CDH13: variants seen among roughly 807,000 people sequenced by gnomAD.
The protein encoded by CDH13 is cadherin-13.
In CDH13, 24 loss-of-function variants were observed where a neutral mutation model predicts 63.8. That is an observed-to-expected ratio of 0.38 (90% confidence interval 0.27 to 0.53). The LOEUF is 0.53. CDH13 is among the 20% of genes least tolerant of loss of function. The probability of loss-of-function intolerance (pLI) is 0.85; values close to 1 mark genes in which losing one functional copy is unlikely to be tolerated. For missense variants in CDH13, 1,049 were observed against 903.1 expected (o/e 1.16, Z -2.07); for synonymous variants, 503 against 355.3 (o/e 1.42, Z -4.67).
chr16:83,154,971 A>C (rs535393294), intron 4 of CDH13, among the ~76,000 whole-genome samples: 2 of 152,336 alleles, frequency 1.3e-5, no homozygotes, highest in African/African-American at 4.8e-5. Flanking sequence ...TAGGGAAAAA[A>C]TCCCCTCTGA....
intron 1 of CDH13, among the ~76,000 whole-genome samples, chr16:82,659,479 C>G (rs967314005): frequency 6.6e-6 from 1 of 152,122 alleles, no homozygotes; most frequent in Non-Finnish European, 1.5e-5. Context: ...GCAGTCCATT[C>G]TCAAATGGAA....
At chr16:83,261,178 G>T (rs558321979) in intron 5 of CDH13, among the ~76,000 whole-genome samples, 1 of 152,294 alleles carries the variant, frequency 6.6e-6, no homozygotes, top group South Asian at 2.1e-4. Flanking sequence ...TTCCATGCAA[G>T]GGGGCGTGCA....
At chr16:83,219,575 G>T (rs1041875862) in intron 5 of CDH13, among the ~76,000 whole-genome samples, 3 of 152,144 alleles carry the variant, frequency 2.0e-5, no homozygotes, top group African/African-American at 7.2e-5. Context: ...TTCCTACATG[G>T]GTGACAATAA....
At chr16:82,758,732 C>T (rs2034719329) in intron 1 of CDH13, among the ~76,000 whole-genome samples, 1 of 152,158 alleles carries the variant, frequency 6.6e-6, no homozygotes, top group Non-Finnish European at 1.5e-5. Flanking sequence ...GTGTAACAGG[C>T]ATTAGGCTGC....
At chr16:83,023,000 T>C (rs932736049) in intron 2 of CDH13, 4 of 152,242 alleles carry the variant, frequency 2.6e-5, no homozygotes, top group African/African-American at 9.6e-5. Context: ...TTTTCTCCCT[T>C]ATCCATTTTT....
rs551426542 is a variant in CDH13, at chr16:83,661,928, C to G, written c.1102-8862C>G. 3.9e-5 allele frequency among the ~76,000 whole-genome samples: 6 copies of G among 152,278 alleles called. No individual in the cohort carries two copies. In the South Asian group the frequency reaches 1.2e-3, roughly 32 times the overall value. ...GTTCATTCCCCAGCACCTGTAGAGCCAGGAGGTTGAGGGATGCTTCATTTT... is the reference window on the plus strand; with the variant it reads ...GTTCATTCCCCAGCACCTGTAGAGCGAGGAGGTTGAGGGATGCTTCATTTT... On this transcript the variant is annotated intron_variant, in intron 8 of 13. Coordinates refer to ENST00000567109, the MANE Select transcript of CDH13 (RefSeq NM_001257.5).
At chr16:83,693,705 A>G (rs570391269) in intron 10 of CDH13, among the ~76,000 whole-genome samples, 1 of 152,362 alleles carries the variant, frequency 6.6e-6, no homozygotes, top group East Asian at 1.9e-4. Context: ...GAACGTTTGC[A>G]GCTTGGCCCT....
intron 5 of CDH13, among the ~76,000 whole-genome samples, chr16:83,285,770 G>A (rs1020582257): frequency 2.0e-5 from 3 of 152,064 alleles, no homozygotes; most frequent in African/African-American, 4.8e-5. Flanking sequence ...AGGGACAATT[G>A]TAACTGGATT....
At chr16:83,793,833 T>C (rs62045405) in intron 13 of CDH13, among the ~76,000 whole-genome samples, 3 of 151,116 alleles carry the variant, frequency 2.0e-5, no homozygotes, top group Non-Finnish European at 4.4e-5. Context: ...AAAAAAAATT[T>C]CTCAGATGTG....
chr16:82,809,940 C>T (rs978591320), intron 1 of CDH13, among the ~76,000 whole-genome samples: 13 of 152,112 alleles, frequency 8.5e-5, no homozygotes, highest in Admixed American at 1.3e-4. Flanking sequence ...TTAACTGATA[C>T]GTAGACTTGC....
chr16:83,028,671 TA>T (rs1212014949), intron 2 of CDH13, among the ~76,000 whole-genome samples: 1 of 152,176 alleles, frequency 6.6e-6, no homozygotes, highest in Non-Finnish European at 1.5e-5. Context: ...CACAGTAAAA[TA>T]TTAACAACAA....
At chr16:83,752,591 G>T (rs1242987623) in intron 11 of CDH13, among the ~76,000 whole-genome samples, 1 of 152,128 alleles carries the variant, frequency 6.6e-6, no homozygotes, top group Non-Finnish European at 1.5e-5. Flanking sequence ...ATGTAGTCAG[G>T]ACCTAATGAT....
intron 8 of CDH13, among the ~76,000 whole-genome samples, chr16:83,662,536 G>A (rs1171280651): frequency 1.3e-5 from 2 of 152,170 alleles, no homozygotes; most frequent in East Asian, 1.9e-4. Flanking sequence ...GTGCAGAATC[G>A]GGGCGGGGTG....
chr16:83,250,704 G>C (rs1377338927), intron 5 of CDH13, among the ~76,000 whole-genome samples: 3 of 152,190 alleles, frequency 2.0e-5, no homozygotes, highest in Non-Finnish European at 4.4e-5. Context: ...CAAGAGGAAA[G>C]CAGGACCCAG....
intron 2 of CDH13, among the ~76,000 whole-genome samples, chr16:82,964,422 A>T (rs1313795090): frequency 6.6e-6 from 1 of 152,216 alleles, no homozygotes; most frequent in African/African-American, 2.4e-5. Context: ...TAGCCCTCTT[A>T]AAAAGCAGAC....
chr16:83,303,327 C>T (rs1306371736), intron 5 of CDH13, among the ~76,000 whole-genome samples: 5 of 152,156 alleles, frequency 3.3e-5, no homozygotes, highest in African/African-American at 9.7e-5. Flanking sequence ...CGCAATAACC[C>T]AGTAGGTCCA....
intron 2 of CDH13, among the ~76,000 whole-genome samples, chr16:82,921,678 A>AT (rs2042159677): frequency 6.6e-6 from 1 of 152,150 alleles, no homozygotes; most frequent in African/African-American, 2.4e-5. Flanking sequence ...TTGTTTTTAT[A>AT]TTCCTGAGAG....
intron 2 of CDH13, among the ~76,000 whole-genome samples, chr16:82,862,875 A>G (rs1299456575): frequency 6.6e-6 from 1 of 152,212 alleles, no homozygotes; most frequent in African/African-American, 2.4e-5. Flanking sequence ...GGCCGAGGCT[A>G]CTTCCAACTT....
chr16:83,249,183 C>T (rs902363315), intron 5 of CDH13, among the ~76,000 whole-genome samples: 1 of 152,200 alleles, frequency 6.6e-6, no homozygotes, highest in African/African-American at 2.4e-5. Flanking sequence ...TCACACAGAG[C>T]CTGTTTCTCA....
Sources: allele counts gnomAD v4.1 joint callset (sites outside exome capture counted in the v4.1 genomes callset), GRCh38; gene constraint gnomAD v4.1.1; transcripts MANE v1.5; gene names NCBI Gene and HGNC (gene_info 2026-07-23, HGNC 2026-07-21).